The following DHX8 variants were observed in gnomAD, a reference collection of about 807,000 sequenced individuals.
DHX8 encodes the protein DEAH-box helicase 8.
Under a neutral mutation model 140.7 loss-of-function variants are expected in DHX8, and 67 were observed. The observed-to-expected ratio is 0.48, with a 90% CI of 0.39 to 0.58. DHX8 has a LOEUF of 0.58. Among genes scored for constraint, DHX8 ranks in the 20% least tolerant of loss-of-function variants. DHX8 has a pLI of 0.00. For missense variants in DHX8, 887 were observed against 1,550.7 expected, an observed-to-expected ratio of 0.57 and a Z score of 7.19; for synonymous variants, 533 against 553.2, an observed-to-expected ratio of 0.96 and a Z score of 0.51.
At chr17:43,486,929 A>G (rs1009144739) in intron 1 of DHX8, among the ~76,000 whole-genome samples, 1 of 151,904 alleles carries the variant, frequency 6.6e-6, no homozygotes, top group Admixed American at 6.6e-5. Context: ...TGTGCTTCAG[A>G]CTGCTTTGGG....
Position 43,525,482 on chromosome 17 carries a change from C to T in DHX8, c.*1635C>T. On this transcript the variant is annotated 3_prime_UTR_variant, in exon 23 of 23. Transcript: ENST00000262415. ...TAAGCTGAGTGCCTCCTGATTCTGTCTGAGTATTCGCCTTTGTAAGCCCAG... is the reference window on the plus strand; with the variant it reads ...TAAGCTGAGTGCCTCCTGATTCTGTTTGAGTATTCGCCTTTGTAAGCCCAG... 1 of 985,416 alleles carries T rather than the reference C, an allele frequency of 1.0e-6. No homozygotes were observed. The highest frequency in any genetic ancestry group is 1.7e-5 in the African/African-American group (1 of 57,344). 61.0% of individuals were successfully genotyped at this position (985,416 alleles called of 1,614,324 possible).
chr17:43,503,456 C>T (rs1678769560), intron 11 of DHX8, among the ~76,000 whole-genome samples: 1 of 151,656 alleles, frequency 6.6e-6, no homozygotes, highest in African/African-American at 2.4e-5. Context: ...GAGATCACGC[C>T]ATTGCACTCC....
intron 17 of DHX8, among the ~76,000 whole-genome samples, chr17:43,515,903 T>C (rs1970091471): frequency 6.6e-6 from 1 of 152,310 alleles, no homozygotes. Context: ...TAACAACAGA[T>C]GGTTTTGTCA....
At chr17:43,517,878 A>G (rs1970191422) in intron 18 of DHX8, 3 of 152,524 alleles carry the variant, frequency 2.0e-5, no homozygotes, top group African/African-American at 7.2e-5. Flanking sequence ...TTCCCCCGAC[A>G]CTGATGCTAC....
intron 17 of DHX8, among the ~76,000 whole-genome samples, chr17:43,514,807 CATG>C: frequency 6.6e-6 from 1 of 152,158 alleles, no homozygotes; most frequent in Non-Finnish European, 1.5e-5. Flanking sequence ...ATGGTATATT[CATG>C]CCATAGAATG....
intron 16 of DHX8, among the ~76,000 whole-genome samples, 174 bp downstream of exon 16, chr17:43,508,694 A>G (rs963890063): frequency 5.4e-5 from 8 of 147,864 alleles, no homozygotes; most frequent in Non-Finnish European, 1.0e-4. Context: ...ATCTCAGCTC[A>G]CTGCAAGCTC....
chr17:43,492,559 C>CT (rs1176473875), intron 5 of DHX8, 122 bp from the exon 6 acceptor site: 10 of 659,908 alleles, frequency 1.5e-5, no homozygotes, highest in Non-Finnish European at 2.7e-5. Context: ...TATTGAAACT[C>CT]TAATTCAGTT....
At chr17:43,489,391 T>C in intron 1 of DHX8, 58 bp from the exon 2 acceptor site, 14 of 1,234,354 alleles carry the variant, frequency 1.1e-5, no homozygotes, top group Non-Finnish European at 1.6e-5. Context: ...TTCACCATAC[T>C]TGAAACTGAT....
chr17:43,494,781 GTA>G (rs1968755835), intron 8 of DHX8, among the ~76,000 whole-genome samples: 1 of 147,044 alleles, frequency 6.8e-6, no homozygotes, highest in Non-Finnish European at 1.5e-5. Flanking sequence ...TAATTGCTAT[GTA>G]AGTCTTCATT....
At chr17:43,498,352 G>A (rs1307316415) in intron 9 of DHX8, among the ~76,000 whole-genome samples, 1 of 151,868 alleles carries the variant, frequency 6.6e-6, no homozygotes, top group Non-Finnish European at 1.5e-5. Context: ...TCACCATGTT[G>A]ACCAGGCTGG....
chr17:43,506,082 C>T (rs1407492024), intron 12 of DHX8, among the ~76,000 whole-genome samples: 1 of 151,876 alleles, frequency 6.6e-6, no homozygotes, highest in Non-Finnish European at 1.5e-5. Context: ...CAGCTCACTG[C>T]AACCTCTACC....
At chr17:43,528,216 C>T (rs1224182050), downstream of DHX8, 1 of 326,838 alleles carries the variant, frequency 3.1e-6, no homozygotes, top group East Asian at 4.6e-5. Context: ...AACTCTTGTT[C>T]TCTGTGGTTG....
intron 3 of DHX8, among the ~76,000 whole-genome samples, chr17:43,539,126 TTC>T (rs1310719377): frequency 6.6e-6 from 1 of 152,106 alleles, no homozygotes; most frequent in Non-Finnish European, 1.5e-5. Flanking sequence ...ATAAAATCAT[TTC>T]TCTCTGTTAT....
intron 2 of DHX8, 64 bp from the exon 3 acceptor site, chr17:43,490,326 CT>C: frequency 7.8e-7 from 1 of 1,281,822 alleles, no homozygotes; most frequent in Non-Finnish European, 1.1e-6. Flanking sequence ...CATTCTTTGC[CT>C]TTTAAGTGTA....
intron 1 of DHX8, among the ~76,000 whole-genome samples, chr17:43,488,746 T>C (rs1215744095): frequency 6.6e-6 from 1 of 152,190 alleles, no homozygotes; most frequent in Non-Finnish European, 1.5e-5. Context: ...TTCTGTTGTG[T>C]GCCTCTGTGT....
Position 43,521,537 on chromosome 17 carries a change from C to T in DHX8, c.3235C>T (p.Arg1079Cys), listed in dbSNP as rs1436967115. The T allele has an allele frequency of 4.3e-6, 7 of 1,612,806 alleles. No homozygotes were observed. Among genetic ancestry groups the T allele is most frequent in the Non-Finnish European group, 4.2e-6 (5 of 1,179,240 alleles). The change falls in exon 21 of 23, where the codon CGC becomes TGC. Residue 1079 changes from arginine to cysteine, a missense_variant. By Grantham distance (180) the Arg-to-Cys change is radical. Transcript: ENST00000262415. The stretch of plus-strand genomic sequence containing the variant: ...TTCCCTGCGCCGGGCCCAGGACATT[C>T]GCAAGCAGATGTTAGGCATAATGGA... ...ARSLRRAQDI[R>C]KQMLGIMDRH...
In DHX8 at chr17:43,517,340, G is replaced by A; in HGVS notation, c.2799+18G>A. The A allele has an allele frequency of 6.2e-7, 1 of 1,611,188 alleles. No individual in the cohort carries two copies. The highest frequency in any genetic ancestry group is 8.5e-7 in the Non-Finnish European group (1 of 1,178,590). On this transcript the variant is annotated intron_variant, in intron 18 of 22. Transcript: ENST00000262415. Reference sequence around the variant, plus strand: ...CACTCAAGGTAGAAATCACTGTCTTGTTAAAATGGGTTGGTGGAACAGTCC... The same window carrying A: ...CACTCAAGGTAGAAATCACTGTCTTATTAAAATGGGTTGGTGGAACAGTCC...
downstream of DHX8, chr17:43,528,276 C>T (rs1970685491): frequency 9.2e-6 from 4 of 436,008 alleles, no homozygotes; most frequent in East Asian, 1.4e-4. Flanking sequence ...AGCTGAATTC[C>T]TCCAGGGCCC....
At chr17:43,491,473 T>C (rs1968512238) in intron 4 of DHX8, among the ~76,000 whole-genome samples, 2 of 152,132 alleles carry the variant, frequency 1.3e-5, no homozygotes, top group Admixed American at 6.5e-5. Context: ...GGGGAAGTAG[T>C]GATTAGGAAT....
Sources: gnomAD v4.1 joint callset for allele counts (sites outside exome capture counted in the v4.1 genomes callset) on GRCh38, gnomAD v4.1.1 for gene constraint, MANE v1.5 for transcripts, NCBI Gene and HGNC (gene_info 2026-07-23, HGNC 2026-07-21) for gene names.